The following KSR2 variants were observed in gnomAD, a reference collection of about 807,000 sequenced individuals.
KSR2 encodes the protein kinase suppressor of ras 2.
KSR2 carries 25 observed loss-of-function variants against 107.8 expected under a neutral mutation model. The ratio of observed to expected loss-of-function variants is 0.23; its 90% confidence interval spans 0.17 to 0.32. The LOEUF (loss-of-function observed/expected upper bound fraction) is 0.32, where lower values mean the gene tolerates loss of function less well. KSR2 is among the 10% of genes least tolerant of loss of function. The pLI, the probability that KSR2 is intolerant of heterozygous loss-of-function variation, is 1.00. For missense variants in KSR2, 887 were observed against 1,268.9 expected (o/e 0.70, Z 4.57); for synonymous variants, 480 against 507.0 (o/e 0.95, Z 0.71).
chr12:117,507,484 T>C (rs955173774), intron 14 of KSR2, among the ~76,000 whole-genome samples: 2 of 152,220 alleles, frequency 1.3e-5, no homozygotes, highest in Non-Finnish European at 2.9e-5. Context: ...TAAAGCCAAA[T>C]GTCAAATTCA....
intron 3 of KSR2, among the ~76,000 whole-genome samples, chr12:117,770,823 AG>A (rs1889421480): frequency 6.6e-6 from 1 of 151,564 alleles, no homozygotes; most frequent in African/African-American, 2.4e-5. Context: ...AAAAAAAAAA[AG>A]AAATTAGCCA....
intron 5 of KSR2, among the ~76,000 whole-genome samples, chr12:117,616,177 A>AAAACG (rs1565927699): frequency 6.7e-6 from 1 of 148,308 alleles, no homozygotes; most frequent in Admixed American, 6.7e-5. Flanking sequence ...AAAAAAAAAC[A>AAAACG]GATTTTAAAA....
chr12:117,730,439 CTCTTT>C (rs1887616177), intron 4 of KSR2, among the ~76,000 whole-genome samples: 1 of 151,580 alleles, frequency 6.6e-6, no homozygotes. Flanking sequence ...TCTCCCTCTC[CTCTTT>C]CCACAGTCTC....
chr12:117,716,003 G>A (rs1393702797), intron 4 of KSR2, among the ~76,000 whole-genome samples: 4 of 152,008 alleles, frequency 2.6e-5, no homozygotes, highest in Non-Finnish European at 5.9e-5. Context: ...CTCTTTGTAC[G>A]GCCTCTTCTC....
At chr12:117,802,610 G>A (rs1165347069) in intron 3 of KSR2, among the ~76,000 whole-genome samples, 1 of 152,208 alleles carries the variant, frequency 6.6e-6, no homozygotes, top group Non-Finnish European at 1.5e-5. Flanking sequence ...GTTTGTCTGA[G>A]GATGACACCA....
chr12:117,830,352 G>A (rs2466454), intron 3 of KSR2, among the ~76,000 whole-genome samples: 11,874 of 151,938 alleles, frequency 0.078, 637 homozygotes, highest in Non-Finnish European at 0.12. Flanking sequence ...GGGACTCCTA[G>A]AAGGGGGAGG....
chr12:117,476,741 G>A (rs1580853), intron 16 of KSR2, 146 bp from the exon 17 acceptor site: 11,130 of 774,208 alleles, frequency 0.014, 140 homozygotes, highest in South Asian at 0.027. Flanking sequence ...ACTGGAGGCC[G>A]AGACCCAGTA....
At chr12:117,706,195 C>T (rs1886525665) in intron 4 of KSR2, among the ~76,000 whole-genome samples, 1 of 151,740 alleles carries the variant, frequency 6.6e-6, no homozygotes, top group Non-Finnish European at 1.5e-5. Flanking sequence ...AGGTGCATGC[C>T]ACCACACCCA....
chr12:117,667,343 T>TA, intron 5 of KSR2, 131 bp downstream of exon 5: 1 of 868,430 alleles, frequency 1.2e-6, no homozygotes, highest in East Asian at 2.6e-5. Flanking sequence ...GGTGAAGCTC[T>TA]ACAGTGAGCA....
At position 117,600,959 on chromosome 12, in the gene KSR2, C is replaced by T. The variant is rs569336590; in HGVS notation, c.1172-18600G>A. Among the ~76,000 whole-genome samples the T allele has an allele frequency of 3.9e-5, 6 of 152,244 alleles. No individual in the cohort carries two copies. The East Asian group carries it at 9.7e-4, about 25-fold the overall frequency. Reference sequence around the variant, plus strand: ...GTCCTGAAGTCACATCTCAGCTTTGCCCCTGGATGAGTCTTTTGCCCCCTC... The same window carrying T: ...GTCCTGAAGTCACATCTCAGCTTTGTCCCTGGATGAGTCTTTTGCCCCCTC... On this transcript the variant is annotated intron_variant, in intron 5 of 19. Transcript: ENST00000339824.
At chr12:117,954,012 C>T (rs1006880046) in intron 1 of KSR2, among the ~76,000 whole-genome samples, 1 of 151,930 alleles carries the variant, frequency 6.6e-6, no homozygotes, top group African/African-American at 2.4e-5. Flanking sequence ...ATCACCTGAA[C>T]CCAGAAGTTT....
chr12:117,502,820 C>G (rs1873459453), intron 14 of KSR2, among the ~76,000 whole-genome samples: 1 of 152,106 alleles, frequency 6.6e-6, no homozygotes, highest in African/African-American at 2.4e-5. Flanking sequence ...CTTTGTCAAC[C>G]AGGGAAGGAA....
chr12:117,955,958 T>G (rs1744196328), intron 1 of KSR2, among the ~76,000 whole-genome samples: 1 of 151,792 alleles, frequency 6.6e-6, no homozygotes. Context: ...AATATAAAAA[T>G]TATCAAGGCC....
chr12:117,826,454 G>A (rs1424187488), intron 3 of KSR2, among the ~76,000 whole-genome samples: 7 of 150,932 alleles, frequency 4.6e-5, no homozygotes, highest in East Asian at 1.9e-4. Flanking sequence ...ACTGGGCACT[G>A]GGAAGGAGGA....
chr12:117,829,028 T>G (rs999369691), intron 3 of KSR2, among the ~76,000 whole-genome samples: 1 of 152,194 alleles, frequency 6.6e-6, no homozygotes, highest in African/African-American at 2.4e-5. Flanking sequence ...GTAACTCCAG[T>G]ATGATGAACT....
At chr12:117,582,221 A>G in intron 6 of KSR2, 69 bp downstream of exon 6, 10 of 1,313,356 alleles carry the variant, frequency 7.6e-6, no homozygotes, top group Non-Finnish European at 1.1e-5. Context: ...ACCCCAGGGC[A>G]GGGGCCAGAG....
chr12:117,587,467 A>G (rs1880073765), intron 5 of KSR2, among the ~76,000 whole-genome samples: 1 of 152,164 alleles, frequency 6.6e-6, no homozygotes, highest in South Asian at 2.1e-4. Context: ...ATTCTCCCCT[A>G]GAGCTTCCAG....
chr12:117,722,888 C>T (rs781088418), intron 4 of KSR2, among the ~76,000 whole-genome samples: 1 of 152,198 alleles, frequency 6.6e-6, no homozygotes, highest in Non-Finnish European at 1.5e-5. Context: ...GGAGGCAATG[C>T]AGATACTCCC....
intron 1 of KSR2, among the ~76,000 whole-genome samples, chr12:117,900,630 T>C (rs1894653211): frequency 6.6e-6 from 1 of 152,182 alleles, no homozygotes. Flanking sequence ...TCCAAGATAT[T>C]AGAGACAGGT....
Sources: allele counts gnomAD v4.1 joint callset (sites outside exome capture counted in the v4.1 genomes callset), GRCh38; gene constraint gnomAD v4.1.1; transcripts MANE v1.5; gene names NCBI Gene and HGNC (gene_info 2026-07-23, HGNC 2026-07-21).